ZMIZ1: variants seen among roughly 807,000 people sequenced by gnomAD.
ZMIZ1 encodes zinc finger MIZ-type containing 1, also known as zinc finger MIZ domain-containing protein 1.
In ZMIZ1, 17 loss-of-function variants were observed where a neutral mutation model predicts 113.9. The observed-to-expected ratio is 0.15, with a 90% CI of 0.10 to 0.22. The LOEUF (loss-of-function observed/expected upper bound fraction) is 0.22, where lower values mean the gene tolerates loss of function less well. ZMIZ1 is among the 10% of genes least tolerant of loss of function. ZMIZ1 has a pLI of 1.00. For missense variants in ZMIZ1, 1,059 were observed against 1,477.8 expected, an observed-to-expected ratio of 0.72 and a Z score of 4.65; for synonymous variants, 607 against 603.1, an observed-to-expected ratio of 1.01 and a Z score of -0.09.
intron 7 of ZMIZ1, among the ~76,000 whole-genome samples, chr10:79,247,836 G>T (rs746331452): frequency 1.3e-5 from 2 of 152,228 alleles, no homozygotes; most frequent in African/African-American, 2.4e-5. Flanking sequence ...TAATTCTGAT[G>T]CTATTGGTAG....
At chr10:79,272,250 C>T (rs1007325386) in intron 7 of ZMIZ1, among the ~76,000 whole-genome samples, 4 of 151,914 alleles carry the variant, frequency 2.6e-5, no homozygotes, top group African/African-American at 7.3e-5. Context: ...CGCACCACTG[C>T]ACTCCAGCCT....
chr10:79,171,161 G>A (rs1293332117), intron 4 of ZMIZ1, among the ~76,000 whole-genome samples: 2 of 152,200 alleles, frequency 1.3e-5, no homozygotes, highest in Admixed American at 6.5e-5. Flanking sequence ...GCTCCCTCCC[G>A]TTTTCCACTC....
intron 7 of ZMIZ1, among the ~76,000 whole-genome samples, chr10:79,251,407 G>C (rs1300805941): frequency 6.6e-6 from 1 of 152,120 alleles, no homozygotes. Flanking sequence ...TGCTCTACGT[G>C]GTTCTCCTCA....
intron 4 of ZMIZ1, among the ~76,000 whole-genome samples, chr10:79,172,712 C>G (rs746789704): frequency 1.3e-5 from 2 of 152,176 alleles, no homozygotes; most frequent in Non-Finnish European, 2.9e-5. Flanking sequence ...AGCATGAGGG[C>G]CACCGTTGCA....
chr10:79,258,494 C>T (rs1017652171), intron 7 of ZMIZ1, among the ~76,000 whole-genome samples: 1 of 152,230 alleles, frequency 6.6e-6, no homozygotes, highest in Non-Finnish European at 1.5e-5. Context: ...GTGGCCCCTG[C>T]CTCCTGTTTC....
intron 3 of ZMIZ1, among the ~76,000 whole-genome samples, chr10:79,153,844 C>T (rs1311192802): frequency 4.6e-5 from 7 of 152,220 alleles, no homozygotes; most frequent in Non-Finnish European, 8.8e-5. Flanking sequence ...TTCCTTTGTC[C>T]GGCATTTTTA....
At chr10:79,301,067 C>T in intron 17 of ZMIZ1, 125 bp downstream of exon 17, 1 of 1,372,196 alleles carries the variant, frequency 7.3e-7, no homozygotes. Context: ...CCCGTGCCCA[C>T]AGCCGCCAAA....
Position 79,294,946 on chromosome 10 carries a change from G to GT in ZMIZ1, c.1230+1293_1230+1294insT, listed in dbSNP as rs1413492197. The GT allele has an allele frequency of 2.7e-5, 4 of 146,746 alleles. No individual in the cohort carries two copies. The East Asian group carries it at 6.7e-4, about 25-fold the overall frequency. The allele number at this position is 146,746 out of a possible 1,614,324, so 9.1% of individuals were successfully genotyped here. On this transcript the variant is annotated intron_variant, in intron 12 of 24. Coordinates refer to ENST00000334512, the MANE Select transcript of ZMIZ1 (RefSeq NM_020338.4). ...TGAGTTCAGGAGGGGAGAGAGAGGG[G>GT]GGGGGGTCAGGGGCTTCCTCATGCA...
rs139149924 is a variant in ZMIZ1 at position 79,091,373 on chromosome 10, C to T, written c.-337+22103C>T. 4.3e-4 allele frequency among the ~76,000 whole-genome samples: 65 copies of T among 152,308 alleles called. 1 individual carries two copies. Among genetic ancestry groups the T allele is most frequent in the African/African-American group, 1.4e-3 (58 of 41,562 alleles). On this transcript the variant is annotated intron_variant, in intron 1 of 24. Coordinates refer to ENST00000334512, the MANE Select transcript of ZMIZ1 (RefSeq NM_020338.4). ...TTATCCCCTAGCACGGGGGCCATAA[C>T]GGCACAGGCTAAGGCAATATTTCTC...
At chr10:79,232,598 G>A (rs1178096982) in intron 7 of ZMIZ1, among the ~76,000 whole-genome samples, 4 of 152,076 alleles carry the variant, frequency 2.6e-5, no homozygotes, top group African/African-American at 7.2e-5. Context: ...ATCCCTCATC[G>A]TACCAGGGGC....
At chr10:79,236,983 G>A (rs547741440) in intron 7 of ZMIZ1, among the ~76,000 whole-genome samples, 135 of 152,346 alleles carry the variant, frequency 8.9e-4, no homozygotes, top group Middle Eastern at 6.8e-3. Context: ...ACAAAGCCAC[G>A]TCAGGAGACT....
At chr10:79,138,396 G>A (rs557832894) in intron 2 of ZMIZ1, among the ~76,000 whole-genome samples, 2 of 152,356 alleles carry the variant, frequency 1.3e-5, no homozygotes, top group Admixed American at 6.5e-5. Flanking sequence ...TGAACCAGAG[G>A]CCTCAGAGAA....
At chr10:79,280,777 C>T (rs1020046609) in intron 8 of ZMIZ1, among the ~76,000 whole-genome samples, 9 of 151,566 alleles carry the variant, frequency 5.9e-5, no homozygotes, top group East Asian at 1.9e-4. Flanking sequence ...GGTTAAGGAC[C>T]GCTGCTCTAA....
At chr10:79,259,784 G>T (rs989494354) in intron 7 of ZMIZ1, among the ~76,000 whole-genome samples, 1 of 152,004 alleles carries the variant, frequency 6.6e-6, no homozygotes, top group Non-Finnish European at 1.5e-5. Flanking sequence ...TGCTAATTTT[G>T]TATTTTTAGT....
chr10:79,135,383 GA>G (rs1844956044), intron 2 of ZMIZ1, among the ~76,000 whole-genome samples: 1 of 152,186 alleles, frequency 6.6e-6, no homozygotes, highest in East Asian at 1.9e-4. Context: ...TAGCCCACAA[GA>G]GAGCAGTCAT....
At chr10:79,087,284 T>G (rs546291012) in intron 1 of ZMIZ1, among the ~76,000 whole-genome samples, 2 of 152,374 alleles carry the variant, frequency 1.3e-5, no homozygotes, top group South Asian at 4.1e-4. Context: ...AAGGGGAGCC[T>G]GGTTCTAATT....
chr10:79,289,076 T>C (rs186404529), intron 8 of ZMIZ1, among the ~76,000 whole-genome samples: 15 of 152,278 alleles, frequency 9.9e-5, no homozygotes, highest in Admixed American at 9.8e-4. Flanking sequence ...GTTTGGACTC[T>C]GCCTTATAAA....
intron 4 of ZMIZ1, among the ~76,000 whole-genome samples, chr10:79,181,628 C>T (rs911068297): frequency 6.6e-6 from 1 of 152,220 alleles, no homozygotes; most frequent in Non-Finnish European, 1.5e-5. Flanking sequence ...GGGCAGTGCT[C>T]ACCTTGCTGT....
intron 8 of ZMIZ1, chr10:79,285,409 C>T (rs545161632): frequency 4.6e-5 from 21 of 453,382 alleles, no homozygotes; most frequent in East Asian, 7.0e-5. Flanking sequence ...TTAACCCTCA[C>T]GGCAGCCTTC....
Sources: allele counts gnomAD v4.1 joint callset (sites outside exome capture counted in the v4.1 genomes callset), GRCh38; gene constraint gnomAD v4.1.1; transcripts MANE v1.5; gene names NCBI Gene and HGNC (gene_info 2026-07-23, HGNC 2026-07-21).